The following SPTLC3 variants were observed in gnomAD, a reference collection of about 807,000 sequenced individuals.
SPTLC3 encodes serine palmitoyltransferase long chain base subunit 3.
In SPTLC3, 36 loss-of-function variants were observed where a neutral mutation model predicts 59.3. The observed-to-expected ratio is 0.61, with a 90% CI of 0.47 to 0.80. The LOEUF is 0.80. Among genes scored for constraint, SPTLC3 ranks in the 30% least tolerant of loss-of-function variants. SPTLC3 has a pLI of 0.00. For missense variants in SPTLC3, 625 were observed against 685.1 expected (o/e 0.91, Z 0.98); for synonymous variants, 257 against 240.8 (o/e 1.07, Z -0.62).
At chr20:13,129,502 A>G (rs1031594335) in intron 9 of SPTLC3, among the ~76,000 whole-genome samples, 7 of 152,238 alleles carry the variant, frequency 4.6e-5, no homozygotes, top group Admixed American at 3.9e-4. Flanking sequence ...AGTTAACTGA[A>G]TTGTCTCAGA....
intron 8 of SPTLC3, among the ~76,000 whole-genome samples, chr20:13,123,313 A>G (rs2037911469): frequency 6.8e-6 from 1 of 147,742 alleles, no homozygotes; most frequent in African/African-American, 2.7e-5. Context: ...CCTGGCCGAC[A>G]GAGCAAGACT....
intron 6 of SPTLC3, among the ~76,000 whole-genome samples, chr20:13,109,450 G>A (rs560898076): frequency 1.3e-5 from 2 of 152,190 alleles, no homozygotes; most frequent in South Asian, 4.1e-4. Flanking sequence ...CCACAGAATG[G>A]AAATGCTACT....
chr20:13,102,086 C>T lies in SPTLC3; in HGVS notation c.827-8026C>T, dbSNP rs1270064391. On this transcript the variant is annotated intron_variant, in intron 6 of 11. Transcript: ENST00000399002. ...CCAAGAGGAGGAAGAAAAAGAAGGC[C>T]AGTGTTTGCCAGAAAACTCTGAGCA... Among the ~76,000 whole-genome samples, 3 of 152,114 alleles carry T rather than the reference C, an allele frequency of 2.0e-5. No homozygotes were observed. The East Asian group carries it at 5.8e-4, about 29-fold the overall frequency.
intron 4 of SPTLC3, among the ~76,000 whole-genome samples, chr20:13,082,733 G>C (rs566545288): frequency 2.6e-5 from 4 of 152,160 alleles, no homozygotes; most frequent in Non-Finnish European, 5.9e-5. Flanking sequence ...CAGATTTATA[G>C]CACTGAGCCA....
At chr20:13,098,511 T>C (rs1245098481) in intron 6 of SPTLC3, among the ~76,000 whole-genome samples, 1 of 152,210 alleles carries the variant, frequency 6.6e-6, no homozygotes, top group Non-Finnish European at 1.5e-5. Flanking sequence ...CTTAAATTCT[T>C]AACTTTTTGC....
chr20:13,043,388 T>C (rs934233788), intron 1 of SPTLC3, among the ~76,000 whole-genome samples: 2 of 152,212 alleles, frequency 1.3e-5, no homozygotes, highest in African/African-American at 4.8e-5. Context: ...AGCAGTGTAA[T>C]GGAATGTGTC....
chr20:13,102,867 G>C (rs1287999539), intron 6 of SPTLC3, among the ~76,000 whole-genome samples: 1 of 152,116 alleles, frequency 6.6e-6, no homozygotes, highest in Non-Finnish European at 1.5e-5. Flanking sequence ...GGTTCTGCCT[G>C]TCCTTCATCT....
At position 13,074,024 on chromosome 20, in the gene SPTLC3, C is replaced by T. The variant is rs892332513; in HGVS notation, c.459-325C>T. The T allele has an allele frequency of 7.9e-6, 5 of 633,394 alleles. No individual in the cohort carries two copies. The African/African-American group carries it at 9.0e-5, about 11-fold the overall frequency. 39.2% of individuals were successfully genotyped at this position (633,394 alleles called of 1,614,324 possible). The stretch of plus-strand genomic sequence containing the variant: ...GGAGATAGTCCTGTCTCCATCCAGT[C>T]AAGCTCTGGAGCTGTGGCAGGTCCA... On this transcript the variant is annotated intron_variant, in intron 3 of 11. Transcript: ENST00000399002.
At chr20:13,033,059 G>T (rs1457362194) in intron 1 of SPTLC3, among the ~76,000 whole-genome samples, 5 of 152,118 alleles carry the variant, frequency 3.3e-5, no homozygotes, top group African/African-American at 2.4e-5. Context: ...CTTCTACAGA[G>T]TTAATTTTAT....
chr20:13,161,788 G>A (rs936411534), intron 11 of SPTLC3, among the ~76,000 whole-genome samples: 1 of 152,090 alleles, frequency 6.6e-6, no homozygotes, highest in African/African-American at 2.4e-5. Context: ...GAGTAAAGAG[G>A]ATAACTTGAG....
intron 1 of SPTLC3, among the ~76,000 whole-genome samples, chr20:13,015,239 G>T (rs1010106034): frequency 3.3e-5 from 5 of 152,166 alleles, no homozygotes; most frequent in Non-Finnish European, 5.9e-5. Context: ...GCCATAATTT[G>T]TTCCCTTTGC....
chr20:13,110,073 C>A, intron 6 of SPTLC3, 39 bp from the exon 7 acceptor site: 1 of 1,538,758 alleles, frequency 6.5e-7, no homozygotes, highest in Non-Finnish European at 8.8e-7. Flanking sequence ...AAAGTAAACC[C>A]TTTCATGACT....
At chr20:13,023,956 A>T (rs6074548) in intron 1 of SPTLC3, among the ~76,000 whole-genome samples, 55,189 of 152,038 alleles carry the variant, frequency 0.36, 10,093 homozygotes, top group South Asian at 0.55. Context: ...CTAATAAAAT[A>T]CTGCATTCTC....
chr20:13,043,305 AG>A (rs1987075436), intron 1 of SPTLC3, among the ~76,000 whole-genome samples: 1 of 152,164 alleles, frequency 6.6e-6, no homozygotes, highest in Non-Finnish European at 1.5e-5. Flanking sequence ...CTGCCCTTGT[AG>A]ATCAACTAAG....
chr20:13,146,022 A>C (rs372828551), intron 9 of SPTLC3, among the ~76,000 whole-genome samples: 13 of 152,366 alleles, frequency 8.5e-5, no homozygotes, highest in Non-Finnish European at 1.8e-4. Context: ...CATGGAATCA[A>C]CCTAAATCCT....
At chr20:13,149,093 G>A (rs1429934710) in intron 9 of SPTLC3, among the ~76,000 whole-genome samples, 3 of 152,124 alleles carry the variant, frequency 2.0e-5, no homozygotes. Context: ...AGCCTCCTCA[G>A]AGAATCCAAA....
chr20:13,088,428 G>A (rs569019670), intron 4 of SPTLC3, among the ~76,000 whole-genome samples: 21 of 151,730 alleles, frequency 1.4e-4, no homozygotes, highest in South Asian at 1.3e-3. Context: ...TCCGCCTCCC[G>A]GGTTCACATC....
intron 4 of SPTLC3, among the ~76,000 whole-genome samples, chr20:13,084,973 A>G (rs1988958573): frequency 6.6e-6 from 1 of 152,226 alleles, no homozygotes; most frequent in Non-Finnish European, 1.5e-5. Context: ...TCATAATTAT[A>G]TATCTGTGCC....
intron 9 of SPTLC3, among the ~76,000 whole-genome samples, chr20:13,152,212 A>G (rs2038664824): frequency 1.3e-5 from 2 of 152,224 alleles, no homozygotes; most frequent in South Asian, 4.1e-4. Flanking sequence ...CGTATAACAT[A>G]GGATTACAGT....
Sources: allele counts gnomAD v4.1 joint callset (sites outside exome capture counted in the v4.1 genomes callset), GRCh38; gene constraint gnomAD v4.1.1; transcripts MANE v1.5; gene names NCBI Gene and HGNC (gene_info 2026-07-23, HGNC 2026-07-21).